Variants in COG4 observed in about 807,000 individuals in gnomAD.
COG4 encodes component of oligomeric golgi complex 4, also known as conserved oligomeric Golgi complex subunit 4.
A neutral mutation model predicts 95.1 loss-of-function variants in COG4; 65 were observed. The ratio of observed to expected loss-of-function variants is 0.68; its 90% CI spans 0.56 to 0.84. The LOEUF (loss-of-function observed/expected upper bound fraction) is 0.84, where lower values mean the gene tolerates loss of function less well. Ranked by LOEUF, COG4 falls within the 40% of genes least tolerant of loss-of-function variation. The pLI, the probability that COG4 is intolerant of heterozygous loss-of-function variation, is 0.00. For missense variants in COG4, 1,045 were observed against 989.1 expected (o/e 1.06, Z -0.76); for synonymous variants, 421 against 374.8 (o/e 1.12, Z -1.42).
intron 17 of COG4, 94 bp downstream of exon 17, chr16:70,481,670 A>G: frequency 7.4e-7 from 1 of 1,353,586 alleles, no homozygotes; most frequent in South Asian, 1.2e-5. Flanking sequence ...TGTGGGCAGC[A>G]GACAGAGGGG....
At position 70,481,129 on chromosome 16, in the gene COG4, C is replaced by T. The variant is rs200083914; in HGVS notation, c.2251G>A (p.Asp751Asn). The change falls in exon 19 of 19, where the codon GAT becomes AAT. Residue 751 changes from aspartate to asparagine, a missense_variant. Coordinates refer to ENST00000323786, the MANE Select transcript of COG4 (RefSeq NM_015386.3). Reference protein sequence around the residue: ...LNLERVTEILDYWGPNSGPLT... With the variant: ...LNLERVTEILNYWGPNSGPLT... ...GGGCCGGAATTGGGTCCCCAGTAATCGAGGATCTCGGTCACCTGTGGGGAA... is the reference window on the plus strand; with the variant it reads ...GGGCCGGAATTGGGTCCCCAGTAATTGAGGATCTCGGTCACCTGTGGGGAA... The T allele has an allele frequency of 1.8e-4, 284 of 1,613,420 alleles. No homozygotes were observed. The East Asian group carries it at 4.3e-3, about 24-fold the overall frequency.
chr16:70,483,499 A>G (rs1449103095), intron 14 of COG4, among the ~76,000 whole-genome samples: 1 of 151,798 alleles, frequency 6.6e-6, no homozygotes, highest in Non-Finnish European at 1.5e-5. Context: ...GACTGTTCTG[A>G]TAAACTCTCA....
At chr16:70,510,229 C>T (rs1436127262) in intron 5 of COG4, among the ~76,000 whole-genome samples, 1 of 152,236 alleles carries the variant, frequency 6.6e-6, no homozygotes. Flanking sequence ...TGTAGCTCCT[C>T]TTCCATTATT....
chr16:70,482,150 T>C lies in COG4; in HGVS notation c.1946A>G (p.Asn649Ser), dbSNP rs750114216. Residue 649 changes from asparagine to serine, a missense_variant, in exon 16 of 19, where the codon AAC (asparagine) becomes AGC (serine). Physicochemically the swap from Asn to Ser is conservative, Grantham distance 46. Transcript: ENST00000323786. Reference protein sequence around the residue: ...EEEEFNDYEANDPWVQQFILN... With the variant: ...EEEEFNDYEASDPWVQQFILN... ...GATGAACTGTTGTACCCAAGGGTCG[T>C]TGGCCTCATAGTCATTGAATTCTTC... 8 of 1,613,804 alleles carry C rather than the reference T, an allele frequency of 5.0e-6. No homozygotes were observed. The highest frequency in any genetic ancestry group is 2.2e-5 in the South Asian group (2 of 91,080).
At chr16:70,518,130 C>T (rs141696022) in intron 2 of COG4, among the ~76,000 whole-genome samples, 98 of 151,974 alleles carry the variant, frequency 6.4e-4, no homozygotes, top group African/African-American at 2.2e-3. Context: ...GGGGTTTCAC[C>T]ACGTTGGCCA....
chr16:70,497,806 G>A, intron 10 of COG4, 131 bp downstream of exon 10: 1 of 773,318 alleles, frequency 1.3e-6, no homozygotes, highest in Non-Finnish European at 2.4e-6. Context: ...ATACAAAGTG[G>A]TACCACTCAA....
chr16:70,518,802 C>A (rs956538285), intron 2 of COG4, among the ~76,000 whole-genome samples: 1 of 151,962 alleles, frequency 6.6e-6, no homozygotes, highest in Admixed American at 6.6e-5. Flanking sequence ...CATGGTGAAA[C>A]CCTGTCTCTA....
At chr16:70,499,598 T>C (rs2049406742) in intron 9 of COG4, among the ~76,000 whole-genome samples, 2 of 152,244 alleles carry the variant, frequency 1.3e-5, no homozygotes, top group Admixed American at 6.5e-5. Context: ...AGGAATTAAA[T>C]GGTCATCTTA....
At chr16:70,508,071 C>T (rs980382312) in intron 8 of COG4, among the ~76,000 whole-genome samples, 4 of 151,674 alleles carry the variant, frequency 2.6e-5, no homozygotes, top group Non-Finnish European at 5.9e-5. Context: ...CAGGCACGCA[C>T]CACCATGCCC....
At chr16:70,508,991 C>A in intron 7 of COG4, 1 of 587,608 alleles carries the variant, frequency 1.7e-6, no homozygotes, top group Non-Finnish European at 3.0e-6. Context: ...CTGCTGTGTT[C>A]TTTTCAGGAA....
At position 70,480,583 on chromosome 16, in the gene COG4, A is replaced by G. The variant is rs1426713946; in HGVS notation, c.*427T>C. 1.6e-5 allele frequency: 4 copies of G among 250,016 alleles called. No homozygotes were observed. In the East Asian group the frequency reaches 4.3e-4, roughly 27 times the overall value. 15.5% of individuals were successfully genotyped at this position (250,016 alleles called of 1,614,324 possible). A position where few individuals can be genotyped will look rare whatever the true frequency, so the allele number is the denominator to read the frequency against. ...GCACACTGGCATCTCTCCAAGGAGT[A>G]GCTTTATTCAGGGATCATAAACATC... On this transcript the variant is annotated 3_prime_UTR_variant, in exon 19 of 19. Transcript: ENST00000323786.
rs116963461 is a variant in COG4 at position 70,499,654 on chromosome 16, C to G, written c.1195+1304G>C. On this transcript the variant is annotated intron_variant, in intron 9 of 18. Coordinates refer to ENST00000323786, the MANE Select transcript of COG4 (RefSeq NM_015386.3). ...GTAAATGAAATTGGACTCTGGCATG[C>G]CTTTTAAACAATTTATTTATTTTTG... Among the ~76,000 whole-genome samples the G allele has an allele frequency of 2.4e-4, 36 of 152,220 alleles. No individual in the cohort carries two copies. The East Asian group carries it at 6.9e-3, about 29-fold the overall frequency.
At chr16:70,484,567 C>T (rs1039314122) in intron 13 of COG4, among the ~76,000 whole-genome samples, 2 of 152,172 alleles carry the variant, frequency 1.3e-5, no homozygotes, top group African/African-American at 2.4e-5. Flanking sequence ...GGTTTAAGGG[C>T]GTACTGTATA....
intron 13 of COG4, among the ~76,000 whole-genome samples, chr16:70,485,273 G>A (rs577330685): frequency 6.7e-6 from 1 of 149,068 alleles, no homozygotes; most frequent in East Asian, 2.0e-4. Context: ...GCATGATCTC[G>A]GCTCACTGCA....
intron 5 of COG4, among the ~76,000 whole-genome samples, chr16:70,511,243 A>G (rs2049697301): frequency 6.6e-6 from 1 of 152,196 alleles, no homozygotes; most frequent in Non-Finnish European, 1.5e-5. Flanking sequence ...CTGCTTATAC[A>G]AATATATCTT....
chr16:70,490,566 T>TG (rs565464187), intron 12 of COG4, among the ~76,000 whole-genome samples, 174 bp from the exon 13 acceptor site: 31 of 152,176 alleles, frequency 2.0e-4, no homozygotes, highest in Non-Finnish European at 4.0e-4. Context: ...GCTCAGATCT[T>TG]GGATTGGGCA....
Position 70,508,505 on chromosome 16 carries a change from C to T in COG4, c.1003-41G>A, listed in dbSNP as rs2049627394. 3 of 1,565,478 alleles carry T rather than the reference C, an allele frequency of 1.9e-6. No individual in the cohort carries two copies. In the African/African-American group the frequency reaches 4.0e-5, roughly 21 times the overall value. ...GGAATGAGAATATTCTTCCCCACCC[C>T]CACATCTATTGGCCTCTTGCTGGTC... is the stretch of plus-strand genomic sequence containing the variant. On this transcript the variant is annotated intron_variant, in intron 7 of 18. Transcript: ENST00000323786.
chr16:70,499,289 G>A (rs976019774), intron 9 of COG4, among the ~76,000 whole-genome samples: 5 of 151,878 alleles, frequency 3.3e-5, no homozygotes, highest in East Asian at 1.9e-4. Flanking sequence ...GAATGGCTAC[G>A]TATTGGGCAG....
At chr16:70,497,773 G>T (rs532673093) in intron 10 of COG4, among the ~76,000 whole-genome samples, 164 bp downstream of exon 10, 1 of 152,206 alleles carries the variant, frequency 6.6e-6, no homozygotes, top group Non-Finnish European at 1.5e-5. Flanking sequence ...AGAACACAAC[G>T]ACTCCAAAGA....
Sources: gnomAD v4.1 joint callset for allele counts (sites outside exome capture counted in the v4.1 genomes callset) on GRCh38, gnomAD v4.1.1 for gene constraint, MANE v1.5 for transcripts, NCBI Gene and HGNC (gene_info 2026-07-23, HGNC 2026-07-21) for gene names.